TDRD12: variants seen among roughly 807,000 people sequenced by gnomAD.
TDRD12 encodes putative ATP-dependent RNA helicase TDRD12.
In TDRD12, 158 loss-of-function variants were observed where a neutral mutation model predicts 133.5. The observed-to-expected ratio is 1.18, with a 90% confidence interval of 1.04 to 1.35. TDRD12 has a LOEUF of 1.35. Among genes scored for constraint, TDRD12 ranks in the 40% most tolerant of loss-of-function variants. TDRD12 has a pLI of 0.00. For missense variants in TDRD12, 1,443 were observed against 1,321.3 expected, an observed-to-expected ratio of 1.09 and a Z score of -1.43; for synonymous variants, 460 against 477.9, an observed-to-expected ratio of 0.96 and a Z score of 0.49.
intron 3 of TDRD12, among the ~76,000 whole-genome samples, chr19:32,739,583 C>T (rs1399437281): frequency 6.8e-6 from 1 of 146,842 alleles, no homozygotes; most frequent in East Asian, 2.1e-4. Flanking sequence ...CTGCTGTCTG[C>T]ATCTCCTGGC....
intron 13 of TDRD12, among the ~76,000 whole-genome samples, chr19:32,794,037 G>C (rs1971147338): frequency 6.9e-6 from 1 of 144,724 alleles, no homozygotes; most frequent in East Asian, 2.0e-4. Flanking sequence ...CAGGTGATCT[G>C]CTCGCCTTGA....
chr19:32,750,684 G>T (rs1315809445), intron 6 of TDRD12, among the ~76,000 whole-genome samples: 3 of 152,162 alleles, frequency 2.0e-5, no homozygotes, highest in Non-Finnish European at 2.9e-5. Context: ...GCGCCTGTTT[G>T]TCATGTCTCC....
At position 32,798,839 on chromosome 19, in the gene TDRD12, A is replaced by G. The variant is rs139517704; in HGVS notation, c.1758+404A>G. 2.4e-4 allele frequency among the ~76,000 whole-genome samples: 37 copies of G among 152,334 alleles called. No homozygotes were observed. In the East Asian group the frequency reaches 6.2e-3, roughly 25 times the overall value. On this transcript the variant is annotated intron_variant, in intron 16 of 27. Transcript: ENST00000444215. ...TGAATTCTTGTGTTTGTAGATACAT[A>G]TAGTTAATAACATCAGGGGTGTGTT...
chr19:32,790,157 G>T (rs191564346), intron 11 of TDRD12, among the ~76,000 whole-genome samples: 1 of 152,318 alleles, frequency 6.6e-6, no homozygotes, highest in Non-Finnish European at 1.5e-5. Flanking sequence ...CCTTACCCAT[G>T]TTGGGGTTGG....
chr19:32,769,145 T>C (rs561342189), intron 8 of TDRD12, among the ~76,000 whole-genome samples: 1 of 152,282 alleles, frequency 6.6e-6, no homozygotes, highest in African/African-American at 2.4e-5. Context: ...AGAGGAGAAG[T>C]TTTTGATTTT....
intron 10 of TDRD12, 63 bp downstream of exon 10, chr19:32,773,595 G>A: frequency 7.0e-7 from 1 of 1,431,160 alleles, no homozygotes; most frequent in East Asian, 2.5e-5. Context: ...CTACTGGGGA[G>A]GCTGAGCTGG....
chr19:32,774,218 A>G lies in TDRD12; in HGVS notation c.1040+686A>G, dbSNP rs535935720. Among the ~76,000 whole-genome samples, 11 of 152,350 alleles carry G rather than the reference A, an allele frequency of 7.2e-5. No homozygotes were observed. The South Asian group carries it at 1.7e-3, about 23-fold the overall frequency. On this transcript the variant is annotated intron_variant, in intron 10 of 27. Coordinates refer to ENST00000444215, the Ensembl canonical transcript of TDRD12. ...GTGGACTTTATGCTGTGGTTGTCAT[A>G]TGTTGTACTTTTACATATATCATAA...
At chr19:32,797,959 A>G in intron 15 of TDRD12, 68 bp downstream of exon 15, 1 of 613,710 alleles carries the variant, frequency 1.6e-6, no homozygotes. Flanking sequence ...TACAGAAGAC[A>G]GTGGAGCCTG....
intron 4 of TDRD12, among the ~76,000 whole-genome samples, 185 bp from the exon 5 acceptor site, chr19:32,748,291 G>A (rs941997537): frequency 1.3e-5 from 2 of 152,184 alleles, no homozygotes; most frequent in Admixed American, 6.5e-5. Flanking sequence ...GTGTTGAGAC[G>A]AGCGTGTTGC....
intron 4 of TDRD12, among the ~76,000 whole-genome samples, chr19:32,746,345 A>G (rs1404149985): frequency 1.2e-5 from 1 of 85,022 alleles, no homozygotes; most frequent in Non-Finnish European, 2.3e-5. Context: ...TCTGTGTGTG[A>G]CAGAGAGGGG....
At chr19:32,773,318 C>G (rs1970489283) in intron 9 of TDRD12, 138 bp from the exon 10 acceptor site, 3 of 752,618 alleles carry the variant, frequency 4.0e-6, no homozygotes, top group Admixed American at 2.2e-5. Flanking sequence ...TTTTTTATCT[C>G]TCTATCTCTG....
rs144039314 is a variant in TDRD12 at position 32,809,510 on chromosome 19, T to C, written c.2653-583T>C. On this transcript the variant is annotated intron_variant, in intron 22 of 27. Transcript: ENST00000444215. ...GGCATCTGCTCTGGGCAGCCAGGGC[T>C]CCCTCCCTTCACACAGAGCGTCTCT... 6.7e-4 allele frequency among the ~76,000 whole-genome samples: 102 copies of C among 152,232 alleles called. No individual in the cohort carries two copies. In the East Asian group the frequency reaches 0.018, roughly 27 times the overall value.
intron 4 of TDRD12, among the ~76,000 whole-genome samples, chr19:32,743,776 T>C (rs1599846522): frequency 6.6e-6 from 1 of 152,106 alleles, no homozygotes; most frequent in African/African-American, 2.4e-5. Flanking sequence ...CACCTGTAAT[T>C]CCAGCACTTT....
chr19:32,756,908 T>C (rs1037641882), intron 7 of TDRD12, 130 bp from the exon 8 acceptor site: 9 of 685,426 alleles, frequency 1.3e-5, no homozygotes, highest in African/African-American at 1.1e-4. Context: ...CCCCTCACCT[T>C]GTGTCCCCTA....
intron 21 of TDRD12, among the ~76,000 whole-genome samples, 166 bp downstream of exon 21, chr19:32,803,308 G>A (rs772831176): frequency 6.6e-6 from 1 of 152,172 alleles, no homozygotes; most frequent in African/African-American, 2.4e-5. Context: ...CCCTCTGCAG[G>A]GCTGTCAGTG....
At chr19:32,729,386 T>C (rs1017336974) in intron 1 of TDRD12, among the ~76,000 whole-genome samples, 4 of 151,154 alleles carry the variant, frequency 2.6e-5, no homozygotes, top group Non-Finnish European at 1.5e-5. Context: ...CCCAGCTAAT[T>C]TTTTGTATTT....
At chr19:32,801,057 T>G (rs1164679119) in intron 18 of TDRD12, among the ~76,000 whole-genome samples, 1 of 151,866 alleles carries the variant, frequency 6.6e-6, no homozygotes, top group Admixed American at 6.6e-5. Context: ...TTTATAGACA[T>G]GACAACATCT....
chr19:32,778,245 C>A (rs568582169), intron 11 of TDRD12, among the ~76,000 whole-genome samples: 2 of 151,838 alleles, frequency 1.3e-5, no homozygotes, highest in Non-Finnish European at 2.9e-5. Context: ...CTTCTTACCC[C>A]ACAGGACACC....
chr19:32,795,596 C>T (rs1971202471), intron 14 of TDRD12, among the ~76,000 whole-genome samples: 1 of 152,162 alleles, frequency 6.6e-6, no homozygotes, highest in Non-Finnish European at 1.5e-5. Flanking sequence ...CCCCACCCTG[C>T]TTCATAATCC....
Sources: gnomAD v4.1 joint callset for allele counts (sites outside exome capture counted in the v4.1 genomes callset) on GRCh38, gnomAD v4.1.1 for gene constraint, MANE v1.5 for transcripts, NCBI Gene and HGNC (gene_info 2026-07-23, HGNC 2026-07-21) for gene names.